PDE6B: variants seen among roughly 807,000 people sequenced by gnomAD.
PDE6B encodes the protein phosphodiesterase 6B.
Under a neutral mutation model 109.0 loss-of-function variants are expected in PDE6B, and 106 were observed. The observed-to-expected ratio is 0.97, with a 90% CI of 0.83 to 1.14. The LOEUF (loss-of-function observed/expected upper bound fraction) is 1.14. PDE6B is among the 50% of genes most tolerant of loss of function. PDE6B has a pLI of 0.00. For missense variants in PDE6B, 1,193 were observed against 1,155.6 expected (o/e 1.03, Z -0.47); for synonymous variants, 490 against 471.3 (o/e 1.04, Z -0.51).
At chr4:659,710 G>GTGCA (rs1736833530) in intron 11 of PDE6B, among the ~76,000 whole-genome samples, 1 of 148,392 alleles carries the variant, frequency 6.7e-6, no homozygotes, top group Non-Finnish European at 1.5e-5. Flanking sequence ...GTGTGTGTGT[G>GTGCA]CCCGTGTGTG....
intron 20 of PDE6B, among the ~76,000 whole-genome samples, chr4:667,029 G>C (rs1461189349): frequency 1.3e-5 from 2 of 152,240 alleles, no homozygotes; most frequent in Non-Finnish European, 2.9e-5. Flanking sequence ...CCTGTCTGCT[G>C]GTGCACCCGC....
rs74638345 is a variant in PDE6B, at chr4:660,108, C to G, written c.1468-359C>G. Among the ~76,000 whole-genome samples, 878 of 152,252 alleles carry G rather than the reference C, an allele frequency of 5.8e-3. 44 individuals are homozygous for G. In the East Asian group the frequency reaches 0.12, roughly 21 times the overall value. ...GTGTCCACACCGGTGCCTTTGTATTCATGGGAGTGGCCGTGTATCCAGGTG... is the reference window on the plus strand; with the variant it reads ...GTGTCCACACCGGTGCCTTTGTATTGATGGGAGTGGCCGTGTATCCAGGTG... On this transcript the variant is annotated intron_variant, in intron 11 of 21. Coordinates refer to ENST00000496514, the MANE Select transcript of PDE6B (RefSeq NM_000283.4).
intron 10 of PDE6B, among the ~76,000 whole-genome samples, chr4:658,402 G>A (rs1292781373): frequency 3.5e-5 from 5 of 142,730 alleles, no homozygotes; most frequent in African/African-American, 1.1e-4. Flanking sequence ...CAGGGGTCAC[G>A]GCTGTGTGGC....
Position 648,900 on chromosome 4 carries a change from A to T in PDE6B, c.712-4952A>T, listed in dbSNP as rs968602277. 1.3e-5 allele frequency among the ~76,000 whole-genome samples: 2 copies of T among 152,176 alleles called. No homozygotes were observed. Among genetic ancestry groups the T allele is most frequent in the East Asian group, 3.9e-4 (2 of 5,192 alleles). ...CCCGACTCAGGTCAGGCATGGGAGG[A>T]GCGGGGGAGCCTTCTGTCTCTGCAG... On this transcript the variant is annotated intron_variant, in intron 3 of 21. Coordinates refer to ENST00000496514, the MANE Select transcript of PDE6B (RefSeq NM_000283.4). The surrounding 1 kb of genome is among the most constrained non-coding windows in gnomAD (Gnocchi z 4.5).
chr4:625,781 A>G lies in PDE6B; in HGVS notation c.155A>G (p.Gln52Arg). The G allele has an allele frequency of 6.2e-7, 1 of 1,613,448 alleles. No homozygotes were observed. The highest frequency in any genetic ancestry group is 8.5e-7 in the Non-Finnish European group (1 of 1,179,940). The change falls in exon 1 of 22, where the codon CAG (glutamine) becomes CGG (arginine). Residue 52 changes from glutamine (Q) to arginine (R), a missense_variant. Physicochemically the swap from Gln to Arg is conservative, Grantham distance 43. Coordinates refer to ENST00000496514, the MANE Select transcript of PDE6B (RefSeq NM_000283.4). This position sits in a 1 kb window ranked among gnomAD's most constrained non-coding sequence, Gnocchi z 5.0. Reference protein sequence around the residue: ...PDCDSLRDLCQVEESTALLEL... With the variant: ...PDCDSLRDLCRVEESTALLEL... ...TGCGACAGCCTCCGGGACCTCTGCC[A>G]GGTGGAGGAGAGCACGGCGCTGCTG... is the stretch of plus-strand genomic sequence containing the variant.
intron 11 of PDE6B, among the ~76,000 whole-genome samples, chr4:659,511 G>T (rs1736772553): frequency 6.6e-6 from 1 of 151,586 alleles, no homozygotes; most frequent in African/African-American, 2.4e-5. Context: ...ACGTGTGTGT[G>T]CATGTAGGTG....
chr4:638,592 T>C (rs1734803259), intron 3 of PDE6B, among the ~76,000 whole-genome samples: 1 of 152,052 alleles, frequency 6.6e-6, no homozygotes, highest in African/African-American at 2.4e-5. Context: ...TAAAGTGCTG[T>C]GATTACAAGT....
chr4:646,029 G>C (rs1441309194), intron 3 of PDE6B, among the ~76,000 whole-genome samples: 1 of 151,980 alleles, frequency 6.6e-6, no homozygotes. Flanking sequence ...GAGAAATTAA[G>C]AAAAAGAAAA....
At chr4:657,068 G>T in intron 9 of PDE6B, 45 bp downstream of exon 9, 1 of 1,592,978 alleles carries the variant, frequency 6.3e-7, no homozygotes, top group Non-Finnish European at 8.6e-7. Flanking sequence ...TGCCCTGCGA[G>T]GGGTGGGGCC....
chr4:664,392 T>A (rs1261792060), intron 17 of PDE6B, among the ~76,000 whole-genome samples, 171 bp downstream of exon 17: 2 of 152,064 alleles, frequency 1.3e-5, no homozygotes, highest in South Asian at 2.1e-4. Flanking sequence ...TCCCCCCAGC[T>A]CTCAGGGAGA....
Position 636,747 on chromosome 4 carries a change from G to A in PDE6B, c.711+778G>A, listed in dbSNP as rs771547504. 2.0e-5 allele frequency among the ~76,000 whole-genome samples: 3 copies of A among 152,188 alleles called. No individual in the cohort carries two copies. Among genetic ancestry groups the A allele is most frequent in the Non-Finnish European group, 4.4e-5 (3 of 68,018 alleles). ...CTGCTGCGAGCCTGCTGAACGTGGC[G>A]AGAGGCTGAGGTCTTTATCTCAGCA... On this transcript the variant is annotated intron_variant, in intron 3 of 21. Coordinates refer to ENST00000496514, the MANE Select transcript of PDE6B (RefSeq NM_000283.4). The surrounding 1 kb of genome is among the most constrained non-coding windows in gnomAD (Gnocchi z 4.5).
intron 2 of PDE6B, among the ~76,000 whole-genome samples, chr4:635,341 A>ACCTG (rs1250629795): frequency 4.0e-5 from 3 of 74,810 alleles, no homozygotes; most frequent in Non-Finnish European, 7.4e-5. Context: ...CCACCTCCTT[A>ACCTG]CCTGCCTGCC....
intron 1 of PDE6B, among the ~76,000 whole-genome samples, chr4:628,407 C>T (rs910914568): frequency 7.2e-5 from 11 of 152,232 alleles, no homozygotes; most frequent in East Asian, 1.9e-4. Flanking sequence ...GTGGCCAGCA[C>T]GCAACACCCG....
In PDE6B at chr4:665,725, A is replaced by T. The variant is rs1209574738; in HGVS notation, c.2268+396A>T. On this transcript the variant is annotated intron_variant, in intron 19 of 21. Transcript: ENST00000496514. This position sits in a 1 kb window ranked among gnomAD's most constrained non-coding sequence, Gnocchi z 4.0. ...ACACAGTGGTATGATGGACAATGCC[A>T]GGGTCCTCAGGTCAGCAGCGGGGTC... 6.6e-6 allele frequency among the ~76,000 whole-genome samples: 1 copy of T among 152,186 alleles called. No individual in the cohort carries two copies. Among genetic ancestry groups the T allele is most frequent in the Non-Finnish European group, 1.5e-5 (1 of 68,014 alleles).
Position 664,676 on chromosome 4 carries a change from C to G in PDE6B, c.2130-205C>G, listed in dbSNP as rs189842698. Reference sequence around the variant, plus strand: ...ACCGAAAATACAAAAATTAGCCGGGCGTGGTGGCGGGCGCCTGTAATCCCA... The same window carrying G: ...ACCGAAAATACAAAAATTAGCCGGGGGTGGTGGCGGGCGCCTGTAATCCCA... On this transcript the variant is annotated intron_variant, in intron 17 of 21. Transcript: ENST00000496514. Among the ~76,000 whole-genome samples the G allele has an allele frequency of 4.1e-3, 618 of 152,198 alleles. 3 individuals are homozygous for G. The highest frequency in any genetic ancestry group is 0.014 in the African/African-American group (598 of 41,528).
At position 628,670 on chromosome 4, in the gene PDE6B, A is replaced by G. The variant is rs114890772; in HGVS notation, c.468+2576A>G. 2.5e-3 allele frequency among the ~76,000 whole-genome samples: 376 copies of G among 152,306 alleles called. 2 individuals are homozygous for G. Among genetic ancestry groups the G allele is most frequent in the African/African-American group, 8.3e-3 (345 of 41,572 alleles). On this transcript the variant is annotated intron_variant, in intron 1 of 21. Coordinates refer to ENST00000496514, the MANE Select transcript of PDE6B (RefSeq NM_000283.4). ...GCCAGCCCAGGGTGAAGGCTGCAGT[A>G]GCCTGGCCTGTGGGCCCTCCTGTCC...
chr4:644,546 T>C (rs1215696830), intron 3 of PDE6B, among the ~76,000 whole-genome samples: 3 of 151,926 alleles, frequency 2.0e-5, no homozygotes, highest in African/African-American at 7.3e-5. Flanking sequence ...TTTTATTTTT[T>C]TGAGACAGAT....
At position 636,005 on chromosome 4, in the gene PDE6B, G is replaced by GA; in HGVS notation, c.711+36_711+37insA. 1.6e-6 allele frequency: 2 copies of GA among 1,261,716 alleles called. No homozygotes were observed. Among genetic ancestry groups the GA allele is most frequent in the Non-Finnish European group, 2.3e-6 (2 of 859,200 alleles). 78.2% of individuals were successfully genotyped at this position (1,261,716 alleles called of 1,614,324 possible). A position where few individuals can be genotyped will look rare whatever the true frequency, so the allele number is the denominator to read the frequency against. Reference sequence around the variant, plus strand: ...GCTGAGCACAGCTCTGCCCACGAGGGCCAGGGTCCCTCCGCCCATCTCGCT... The same window carrying GA: ...GCTGAGCACAGCTCTGCCCACGAGGGACCAGGGTCCCTCCGCCCATCTCGCT... On this transcript the variant is annotated intron_variant, in intron 3 of 21. Transcript: ENST00000496514. This position sits in a 1 kb window ranked among gnomAD's most constrained non-coding sequence, Gnocchi z 4.5.
At position 634,692 on chromosome 4, in the gene PDE6B, T is replaced by C; in HGVS notation, c.484T>C (p.Ser162Pro). The C allele has an allele frequency of 6.2e-7, 1 of 1,612,896 alleles. No individual in the cohort carries two copies. Among genetic ancestry groups the C allele is most frequent in the Non-Finnish European group, 8.5e-7 (1 of 1,178,878 alleles). ...CTTGCGGCAGTGCCCTCACTTCAGC[T>C]CATTTGCTGACGAGCTCACTGACTA... ...EDVAECPHFS[S>P]FADELTDYKT... Residue 162 changes from serine (S) to proline (P), a missense_variant, in exon 2 of 22, where the codon TCA (serine) becomes CCA (proline). Ser to Pro is a moderately conservative substitution (Grantham distance 74). Transcript: ENST00000496514.
Sources: gnomAD v4.1 joint callset for allele counts (sites outside exome capture counted in the v4.1 genomes callset) on GRCh38, gnomAD v4.1.1 for gene constraint, Gnocchi (gnomAD v3.1) non-coding constraint, MANE v1.5 for transcripts, NCBI Gene and HGNC (gene_info 2026-07-23, HGNC 2026-07-21) for gene names.